The following SYTL5 variants were observed in gnomAD, a reference collection of about 807,000 sequenced individuals.
The protein encoded by SYTL5 is synaptotagmin-like protein 5.
SYTL5 carries 34 observed loss-of-function variants against 55.9 expected under a neutral mutation model. The ratio of observed to expected loss-of-function variants is 0.61; its 90% CI spans 0.46 to 0.81. SYTL5 has a LOEUF of 0.81. Ranked by LOEUF, SYTL5 falls within the 30% of genes least tolerant of loss-of-function variation. The pLI is 0.00. For synonymous variants in SYTL5, 221 were observed against 188.7 expected, an observed-to-expected ratio of 1.17 and a Z score of -1.40; for missense variants, 637 against 546.7, an observed-to-expected ratio of 1.17 and a Z score of -1.65.
the SYTL5 span, among the ~76,000 whole-genome samples, chrX:37,970,782 G>T: frequency 8.9e-6 from 1 of 112,094 alleles, no homozygotes; most frequent in Non-Finnish European, 1.9e-5. Flanking sequence ...CAATAGCTGA[G>T]TATTTAGCTG....
At chrX:38,008,367 TTA>T (rs1371458203) in intron 1 of SYTL5, among the ~76,000 whole-genome samples, 1 of 111,655 alleles carries the variant, frequency 9.0e-6, no homozygotes, top group Non-Finnish European at 1.9e-5. Flanking sequence ...CCATTCCTGG[TTA>T]TCTCTTTCTG....
chrX:37,956,603 A>C, the SYTL5 span, among the ~76,000 whole-genome samples: 1 of 112,432 alleles, frequency 8.9e-6, no homozygotes, highest in African/African-American at 3.2e-5. Flanking sequence ...CATCTATGTT[A>C]TCTCATGTGG....
rs774044988 is a variant in SYTL5, at chrX:38,012,863, T to C, written c.-357+6195T>C. 8.9e-5 allele frequency among the ~76,000 whole-genome samples: 10 copies of C among 112,171 alleles called. No individual in the cohort carries two copies. The East Asian group carries it at 2.8e-3, about 31-fold the overall frequency. On this transcript the variant is annotated intron_variant, in intron 1 of 16. Coordinates refer to ENST00000297875, the MANE Select transcript of SYTL5 (RefSeq NM_138780.3). ...GGCATTTTTCCCAACTTTCAACAGA[T>C]AATGGTATATCCAAAGATGTCTGTG...
chrX:37,910,917 A>G, the SYTL5 span, among the ~76,000 whole-genome samples: 1 of 109,907 alleles, frequency 9.1e-6, no homozygotes, highest in Non-Finnish European at 1.9e-5. Context: ...CAGGGTCATT[A>G]CATACATCAT....
At chrX:37,971,719 T>G in the SYTL5 span, among the ~76,000 whole-genome samples, 1 of 111,575 alleles carries the variant, frequency 9.0e-6, no homozygotes, top group African/African-American at 3.3e-5. Flanking sequence ...ATTACTTCCA[T>G]TTTATATAAC....
intron 6 of SYTL5, among the ~76,000 whole-genome samples, chrX:38,078,824 T>C (rs1384877261): frequency 8.9e-6 from 1 of 112,505 alleles, no homozygotes; most frequent in Non-Finnish European, 1.9e-5. Flanking sequence ...CTTCTTGTTC[T>C]TTTTGTAAGC....
At chrX:37,970,434 G>GT in the SYTL5 span, among the ~76,000 whole-genome samples, 1 of 74,509 alleles carries the variant, frequency 1.3e-5, no homozygotes, top group Non-Finnish European at 2.7e-5. Flanking sequence ...CCTTTACCTT[G>GT]TTTTTTACAT....
intron 6 of SYTL5, among the ~76,000 whole-genome samples, chrX:38,089,052 A>G (rs1936730590): frequency 8.9e-6 from 1 of 112,269 alleles, no homozygotes; most frequent in South Asian, 3.7e-4. Context: ...GAAGACTGAG[A>G]AAGATGTGTA....
chrX:38,026,071 G>A (rs1934763011), intron 1 of SYTL5, among the ~76,000 whole-genome samples: 1 of 112,656 alleles, frequency 8.9e-6, no homozygotes, highest in Non-Finnish European at 1.9e-5. Context: ...TATGATTTGA[G>A]TGATTCGTGG....
chrX:38,051,329 T>C (rs1436852948), intron 2 of SYTL5, among the ~76,000 whole-genome samples: 2 of 105,986 alleles, frequency 1.9e-5, no homozygotes, highest in African/African-American at 7.7e-5. Flanking sequence ...ATGTAAGAAA[T>C]ATTTTAAAAG....
the SYTL5 span, among the ~76,000 whole-genome samples, chrX:37,914,806 A>C: frequency 8.9e-6 from 1 of 112,349 alleles, no homozygotes; most frequent in South Asian, 3.8e-4. Context: ...GGACAGCCTC[A>C]GTGAAAAGCC....
At position 38,127,001 on chromosome X, in the gene SYTL5, G is replaced by A. The variant is rs1937671010; in HGVS notation, c.*271G>A. The A allele has an allele frequency of 3.8e-6, 1 of 260,271 alleles. No individual in the cohort carries two copies. The highest frequency in any genetic ancestry group is 6.8e-6 in the Non-Finnish European group (1 of 146,701). The allele number at this position is 260,271 out of a possible 1,213,427, so 21.4% of individuals were successfully genotyped here. On this transcript the variant is annotated 3_prime_UTR_variant, in exon 17 of 17. Transcript: ENST00000297875. ...CAAGCAAATTGTGCAAAGGCTTATA[G>A]GGTTTATGCCATAAAAGAAATGGCA...
intron 13 of SYTL5, 51 bp from the exon 14 acceptor site, chrX:38,120,307 A>G (rs372477065): frequency 1.2e-5 from 11 of 905,496 alleles, no homozygotes; most frequent in Admixed American, 2.2e-5. Context: ...GGACTACAAT[A>G]CTAAGCCAAT....
chrX:38,065,225 A>G lies in SYTL5; in HGVS notation c.330-6822A>G, dbSNP rs17320636. 3.4e-3 allele frequency among the ~76,000 whole-genome samples: 382 copies of G among 111,883 alleles called. 9 individuals are homozygous for G. In the East Asian group the frequency reaches 0.043, roughly 13 times the overall value. On this transcript the variant is annotated intron_variant, in intron 3 of 16. Transcript: ENST00000297875. ...ACATTTCTTATTGTATAATCCAACA[A>G]TTTATGTCATCTCATTTTTCTTTAT...
intron 9 of SYTL5, among the ~76,000 whole-genome samples, chrX:38,100,067 C>CA (rs1412940892): frequency 9.0e-6 from 1 of 110,971 alleles, no homozygotes; most frequent in Non-Finnish European, 1.9e-5. Context: ...ACTTTGCTAT[C>CA]AGAGTAATGC....
chrX:37,919,316 T>G, the SYTL5 span, among the ~76,000 whole-genome samples: 2 of 111,806 alleles, frequency 1.8e-5, no homozygotes, highest in African/African-American at 6.5e-5. Context: ...CACTTTATTC[T>G]AATTACGTTG....
At chrX:37,974,965 G>C in the SYTL5 span, among the ~76,000 whole-genome samples, 1 of 112,161 alleles carries the variant, frequency 8.9e-6, no homozygotes, top group South Asian at 3.7e-4. Context: ...TGCTGAAAGA[G>C]AATGTCTTAG....
the SYTL5 span, among the ~76,000 whole-genome samples, chrX:37,910,913 C>G: frequency 1.8e-5 from 2 of 108,468 alleles, no homozygotes; most frequent in East Asian, 5.7e-4. Flanking sequence ...GAGTCAGGGT[C>G]ATTACATACA....
the SYTL5 span, among the ~76,000 whole-genome samples, chrX:37,956,935 C>T: frequency 1.8e-5 from 2 of 112,044 alleles, no homozygotes; most frequent in Non-Finnish European, 3.8e-5. Context: ...AATTTCATCA[C>T]ATCTTCACCA....
Sources: allele counts gnomAD v4.1 joint callset (sites outside exome capture counted in the v4.1 genomes callset), GRCh38; gene constraint gnomAD v4.1.1; transcripts MANE v1.5; gene names NCBI Gene and HGNC (gene_info 2026-07-23, HGNC 2026-07-21).